The following CLIC2 variants were observed in gnomAD, a reference collection of about 807,000 sequenced individuals.
The protein encoded by CLIC2 is chloride intracellular channel protein 2.
In CLIC2, 9 loss-of-function variants were observed where a neutral mutation model predicts 14.8. The observed-to-expected ratio is 0.61, with a 90% confidence interval of 0.37 to 1.06. The LOEUF (loss-of-function observed/expected upper bound fraction) is 1.06, where lower values mean the gene tolerates loss of function less well. CLIC2 is among the 50% of genes least tolerant of loss of function. CLIC2 has a pLI of 0.01. For synonymous variants in CLIC2, 61 were observed against 66.3 expected (o/e 0.92, Z 0.39); for missense variants, 148 against 181.4 (o/e 0.82, Z 1.06).
intron 1 of CLIC2, among the ~76,000 whole-genome samples, chrX:155,305,118 C>A (rs1214653471): frequency 6.2e-5 from 7 of 112,379 alleles, no homozygotes; most frequent in Non-Finnish European, 9.4e-5. Context: ...CCAGTTCGAG[C>A]TTCTGGGCTG....
At position 155,279,275 on chromosome X, in the gene CLIC2, G is replaced by A. The variant is rs2074909856; in HGVS notation, c.456C>T (p.Thr152=). ...EFKRLDDYLN[T]PLLDEIDPDS... Reference sequence around the variant, plus strand: ...CTGGATCAATTTCATCCAGAAGTGGGGTGTTTAAGTAGTCATCCAGACGCT... The same window carrying A: ...CTGGATCAATTTCATCCAGAAGTGGAGTGTTTAAGTAGTCATCCAGACGCT... Residue 152 remains threonine (T), a synonymous_variant, in exon 5 of 6, where the codon ACC becomes ACT. Coordinates refer to ENST00000369449, the MANE Select transcript of CLIC2 (RefSeq NM_001289.6). The A allele has an allele frequency of 1.7e-6, 2 of 1,207,931 alleles. No homozygotes were observed. Among genetic ancestry groups the A allele is most frequent in the Admixed American group, 2.2e-5 (1 of 45,766 alleles).
intron 3 of CLIC2, chrX:155,291,013 A>T (rs1326244339): frequency 5.6e-6 from 4 of 718,427 alleles, no homozygotes; most frequent in Non-Finnish European, 6.7e-6. Flanking sequence ...ACTGTTCCAA[A>T]TACTTCATCT....
chrX:155,280,650 G>A lies in CLIC2; in HGVS notation c.294-582C>T, dbSNP rs782658082. Among the ~76,000 whole-genome samples, 5 of 110,793 alleles carry A rather than the reference G, an allele frequency of 4.5e-5. No homozygotes were observed. The South Asian group carries it at 1.5e-3, about 34-fold the overall frequency. ...GGAGGTTGCAGTGAGCTGAGATTGCGCCATTGCACTCCAGCCTGGGGGACA... is the reference window on the plus strand; with the variant it reads ...GGAGGTTGCAGTGAGCTGAGATTGCACCATTGCACTCCAGCCTGGGGGACA... On this transcript the variant is annotated intron_variant, in intron 3 of 5. Coordinates refer to ENST00000369449, the MANE Select transcript of CLIC2 (RefSeq NM_001289.6).
intron 1 of CLIC2, among the ~76,000 whole-genome samples, chrX:155,309,891 C>T (rs1454625837): frequency 4.5e-5 from 5 of 111,728 alleles, no homozygotes; most frequent in African/African-American, 1.6e-4. Context: ...CATTTCAAAA[C>T]CAATTATGCC....
intron 3 of CLIC2, among the ~76,000 whole-genome samples, chrX:155,288,268 T>A (rs1279687173): frequency 8.9e-6 from 1 of 112,074 alleles, no homozygotes; most frequent in East Asian, 2.8e-4. Context: ...ATTGGGAATA[T>A]GTTATTCATT....
chrX:155,304,931 GC>G (rs1415000039), intron 1 of CLIC2, among the ~76,000 whole-genome samples: 1 of 105,079 alleles, frequency 9.5e-6, no homozygotes, highest in Non-Finnish European at 2.0e-5. Context: ...GAGGCAGTCT[GC>G]CCGTTCTCAG....
intron 1 of CLIC2, among the ~76,000 whole-genome samples, chrX:155,302,558 G>GT (rs1161360555): frequency 2.9e-4 from 24 of 82,041 alleles, no homozygotes; most frequent in Admixed American, 5.7e-4. Context: ...TTTTTGAAGG[G>GT]TTTTTTGTGT....
chrX:155,317,185 C>T (rs2124205693), intron 1 of CLIC2, among the ~76,000 whole-genome samples: 1 of 111,379 alleles, frequency 9.0e-6, no homozygotes, highest in South Asian at 3.8e-4. Context: ...CAAACCCAAA[C>T]CCAGCAGAAG....
At chrX:155,313,197 C>CAAAAAA (rs59429236) in intron 1 of CLIC2, among the ~76,000 whole-genome samples, 36 of 32,604 alleles carry the variant, frequency 1.1e-3, no homozygotes, top group Non-Finnish European at 1.3e-3. Context: ...ATAAATAAGG[C>CAAAAAA]AAAAAAAAAA....
At chrX:155,298,960 T>C in intron 2 of CLIC2, 50 bp from the exon 3 acceptor site, 1 of 1,173,574 alleles carries the variant, frequency 8.5e-7, no homozygotes, top group East Asian at 3.0e-5. Flanking sequence ...AAAGTACACA[T>C]TAAATAAACA....
intron 3 of CLIC2, among the ~76,000 whole-genome samples, chrX:155,289,892 A>G (rs1402292404): frequency 1.8e-5 from 2 of 112,363 alleles, no homozygotes; most frequent in Non-Finnish European, 3.8e-5. Context: ...TAGAACAGCT[A>G]CTCAGAATAA....
rs1461322874 is a variant in CLIC2, at chrX:155,277,821, T to G, written c.*82A>C. The G allele has an allele frequency of 4.7e-6, 4 of 857,687 alleles. No individual in the cohort carries two copies. Among genetic ancestry groups the G allele is most frequent in the Non-Finnish European group, 6.9e-6 (4 of 583,755 alleles). The allele number at this position is 857,687 out of a possible 1,213,427, so 70.7% of individuals were successfully genotyped here. A position where few individuals can be genotyped will look rare whatever the true frequency, so the allele number is the denominator to read the frequency against. On this transcript the variant is annotated 3_prime_UTR_variant, in exon 6 of 6. Coordinates refer to ENST00000369449, the MANE Select transcript of CLIC2 (RefSeq NM_001289.6). ...GATAGAAGAAACAGTATTTTTCATA[T>G]TCTTATTTGCAAAAACCTTTCTAAT...
chrX:155,292,426 A>G, intron 3 of CLIC2: 1 of 562,623 alleles, frequency 1.8e-6, no homozygotes, highest in South Asian at 2.3e-5. Flanking sequence ...ATTACAGACC[A>G]TTACAAAGAG....
intron 1 of CLIC2, among the ~76,000 whole-genome samples, chrX:155,307,285 T>G (rs1239396326): frequency 2.7e-5 from 3 of 110,704 alleles, no homozygotes; most frequent in African/African-American, 9.9e-5. Context: ...TAAACTAAGT[T>G]CAAAGGATAA....
intron 1 of CLIC2, among the ~76,000 whole-genome samples, chrX:155,322,691 A>C (rs1557321822): frequency 5.4e-5 from 6 of 111,775 alleles, no homozygotes; most frequent in Non-Finnish European, 9.4e-5. Flanking sequence ...GAAGACAAGA[A>C]GCAACTAAGA....
chrX:155,306,719 G>A (rs1255011466), intron 1 of CLIC2, among the ~76,000 whole-genome samples: 5 of 110,518 alleles, frequency 4.5e-5, no homozygotes, highest in African/African-American at 6.6e-5. Flanking sequence ...TTCACATGGC[G>A]AAAGCAGGAG....
At chrX:155,298,248 T>C (rs1440892197) in intron 3 of CLIC2, among the ~76,000 whole-genome samples, 1 of 111,986 alleles carries the variant, frequency 8.9e-6, no homozygotes. Context: ...AGATACTAAG[T>C]TTGTGGTAAT....
At chrX:155,293,859 T>C (rs186266040) in intron 3 of CLIC2, among the ~76,000 whole-genome samples, 51 of 111,324 alleles carry the variant, frequency 4.6e-4, no homozygotes, top group Admixed American at 3.8e-3. Flanking sequence ...AAAAAAGATA[T>C]AACAATCCTA....
At position 155,276,673 on chromosome X, in the gene CLIC2, A is replaced by AT. The variant is rs1350019431; in HGVS notation, c.*1229dup. On this transcript the variant is annotated 3_prime_UTR_variant, in exon 6 of 6. Transcript: ENST00000369449. ...GTGTTTGTCTTTCTGTGCCTGGCTTATTTCATTTAACATTTCAAATGTATT... is the reference window on the plus strand; with the variant it reads ...GTGTTTGTCTTTCTGTGCCTGGCTTATTTTCATTTAACATTTCAAATGTATT... 2 of 112,076 alleles carry AT rather than the reference A, an allele frequency of 1.8e-5. No individual in the cohort carries two copies. Among genetic ancestry groups the AT allele is most frequent in the Non-Finnish European group, 3.8e-5 (2 of 53,172 alleles). The allele number at this position is 112,076 out of a possible 1,213,427, so 9.2% of individuals were successfully genotyped here.
Sources: allele counts gnomAD v4.1 joint callset (sites outside exome capture counted in the v4.1 genomes callset), GRCh38; gene constraint gnomAD v4.1.1; transcripts MANE v1.5; gene names NCBI Gene and HGNC (gene_info 2026-07-23, HGNC 2026-07-21).